MICAL2: variants seen among roughly 807,000 people sequenced by gnomAD.
MICAL2 encodes [F-actin]-monooxygenase MICAL2.
MICAL2 carries 77 observed loss-of-function variants against 127.3 expected under a neutral mutation model. The observed-to-expected ratio is 0.60, with a 90% CI of 0.50 to 0.73. The LOEUF (loss-of-function observed/expected upper bound fraction) is 0.73. Among genes scored for constraint, MICAL2 ranks in the 30% least tolerant of loss-of-function variants. The probability of loss-of-function intolerance (pLI) is 0.00; values close to 1 mark genes in which losing one functional copy is unlikely to be tolerated. For synonymous variants in MICAL2, 570 were observed against 551.1 expected, an observed-to-expected ratio of 1.03 and a Z score of -0.48; for missense variants, 1,351 against 1,434.4, an observed-to-expected ratio of 0.94 and a Z score of 0.94.
Position 12,236,207 on chromosome 11 carries a change from A to T in MICAL2, c.2026A>T (p.Asn676Tyr). ...TGGTCAAACCGGAGAGAATGACATG[A>T]ACAAACGGAGACGGAAGGGCTTCAC... ...VDGQTGENDM[N>Y]KRRRKGFTNL... Residue 676 changes from asparagine (N) to tyrosine (Y), a missense_variant, in exon 16 of 28, where the codon AAC becomes TAC. By Grantham distance (143) the Asn-to-Tyr change is moderately radical. Coordinates refer to ENST00000683283, the MANE Select transcript of MICAL2 (RefSeq NM_001282663.2). 6.2e-7 allele frequency: 1 copy of T among 1,614,188 alleles called. No homozygotes were observed. The highest frequency in any genetic ancestry group is 8.5e-7 in the Non-Finnish European group (1 of 1,180,038).
At chr11:12,287,597 CCACA>C (rs374186564), downstream of MICAL2, among the ~76,000 whole-genome samples, 2 of 151,424 alleles carry the variant, frequency 1.3e-5, no homozygotes, top group African/African-American at 2.4e-5. Flanking sequence ...ACCCACACAT[CCACA>C]CACACACACA....
chr11:12,204,757 G>A (rs1268986751), intron 4 of MICAL2, among the ~76,000 whole-genome samples: 2 of 152,198 alleles, frequency 1.3e-5, no homozygotes, highest in Non-Finnish European at 2.9e-5. Context: ...ACATCTGTTG[G>A]ATGATTGAGT....
At chr11:12,214,477 T>A (rs1855900018) in intron 7 of MICAL2, among the ~76,000 whole-genome samples, 1 of 152,176 alleles carries the variant, frequency 6.6e-6, no homozygotes, top group Non-Finnish European at 1.5e-5. Context: ...CCAAACATCA[T>A]CCTTCTGGTG....
At chr11:12,240,166 G>C (rs974067619) in intron 17 of MICAL2, among the ~76,000 whole-genome samples, 1 of 152,182 alleles carries the variant, frequency 6.6e-6, no homozygotes, top group Non-Finnish European at 1.5e-5. Flanking sequence ...CTGCACCAGG[G>C]TCAGCCTGGC....
intron 34 of MICAL2, among the ~76,000 whole-genome samples, chr11:12,357,855 A>T (rs183709938): frequency 1.5e-3 from 224 of 152,286 alleles, no homozygotes; most frequent in African/African-American, 5.1e-3. Flanking sequence ...GAAAAAAGAA[A>T]AAAAAGATTG....
At chr11:12,296,609 G>T (rs894641780), downstream of MICAL2, among the ~76,000 whole-genome samples, 3 of 149,740 alleles carry the variant, frequency 2.0e-5, no homozygotes, top group African/African-American at 7.4e-5. Flanking sequence ...CATTTGCATG[G>T]TTCAAAATCA....
chr11:12,141,508 T>G (rs747566460), intron 2 of MICAL2, among the ~76,000 whole-genome samples: 4 of 152,180 alleles, frequency 2.6e-5, no homozygotes, highest in African/African-American at 9.7e-5. Context: ...ATCTCTCCCC[T>G]GCGCCACCCT....
intron 22 of MICAL2, among the ~76,000 whole-genome samples, chr11:12,251,576 TTA>T (rs1491286573): frequency 2.3e-5 from 2 of 87,136 alleles, no homozygotes; most frequent in Non-Finnish European, 4.3e-5. Context: ...CCATTTCACT[TTA>T]AAAAAAAAAA....
chr11:12,290,446 G>GC (rs1863883283), downstream of MICAL2, among the ~76,000 whole-genome samples: 1 of 152,118 alleles, frequency 6.6e-6, no homozygotes, highest in South Asian at 2.1e-4. Flanking sequence ...GGGACTTGAG[G>GC]CAAGTGAAGG....
At chr11:12,131,507 CAT>C (rs1851417952) in intron 1 of MICAL2, among the ~76,000 whole-genome samples, 4 of 152,182 alleles carry the variant, frequency 2.6e-5, no homozygotes, top group Non-Finnish European at 5.9e-5. Flanking sequence ...TCAACACCCT[CAT>C]CCCCCAAGTC....
At chr11:12,226,073 A>C (rs2270508) in intron 13 of MICAL2, 98 bp from the exon 14 acceptor site, 6 of 1,149,414 alleles carry the variant, frequency 5.2e-6, no homozygotes, top group Non-Finnish European at 7.7e-6. Context: ...CACCTGGCAG[A>C]GTGTCACCCT....
At chr11:12,174,750 C>G (rs1856653130) in intron 3 of MICAL2, among the ~76,000 whole-genome samples, 1 of 152,106 alleles carries the variant, frequency 6.6e-6, no homozygotes, top group Non-Finnish European at 1.5e-5. Flanking sequence ...GAGGAACCAC[C>G]AAACTGTTTC....
At chr11:12,161,741 C>T in intron 2 of MICAL2, 1 of 198,164 alleles carries the variant, frequency 5.0e-6, no homozygotes, top group South Asian at 1.0e-4. Flanking sequence ...GGTTGTTTTC[C>T]CTTTTCCTAG....
At chr11:12,236,882 T>G (rs1293058779) in intron 16 of MICAL2, among the ~76,000 whole-genome samples, 1 of 152,228 alleles carries the variant, frequency 6.6e-6, no homozygotes, top group Non-Finnish European at 1.5e-5. Flanking sequence ...TCCACAAGCA[T>G]GCATATTGTC....
intron 1 of MICAL2, among the ~76,000 whole-genome samples, chr11:12,119,381 C>G (rs1850316300): frequency 6.6e-6 from 1 of 152,196 alleles, no homozygotes; most frequent in Non-Finnish European, 1.5e-5. Flanking sequence ...AAGTTTAATT[C>G]TTCATCGCTC....
chr11:12,345,826 G>GT (rs1270743804), intron 32 of MICAL2, among the ~76,000 whole-genome samples: 4 of 152,174 alleles, frequency 2.6e-5, no homozygotes, highest in African/African-American at 9.7e-5. Flanking sequence ...ATTTTGGGTT[G>GT]TTTATATAGT....
chr11:12,337,082 C>T (rs1938777058), intron 32 of MICAL2, among the ~76,000 whole-genome samples: 1 of 152,170 alleles, frequency 6.6e-6, no homozygotes, highest in South Asian at 2.1e-4. Flanking sequence ...CCATCTGGTC[C>T]TGGACTTGTT....
At chr11:12,113,941 T>C (rs543237681) in intron 1 of MICAL2, among the ~76,000 whole-genome samples, 130 of 152,340 alleles carry the variant, frequency 8.5e-4, no homozygotes, top group South Asian at 3.5e-3. Flanking sequence ...ACTCAGAAAC[T>C]TGGCAGATTT....
chr11:12,339,857 C>T (rs1480642226), intron 32 of MICAL2, among the ~76,000 whole-genome samples: 1 of 152,174 alleles, frequency 6.6e-6, no homozygotes, highest in South Asian at 2.1e-4. Context: ...TCTGCCCCTA[C>T]TGGGGGGTGC....
Sources: allele counts gnomAD v4.1 joint callset (sites outside exome capture counted in the v4.1 genomes callset), GRCh38; gene constraint gnomAD v4.1.1; transcripts MANE v1.5; gene names NCBI Gene and HGNC (gene_info 2026-07-23, HGNC 2026-07-21).